The following GSAP variants were observed in gnomAD, a reference collection of about 807,000 sequenced individuals.
The protein encoded by GSAP is gamma-secretase activating protein.
In GSAP, 118 loss-of-function variants were observed where a neutral mutation model predicts 131.7. That is an observed-to-expected ratio of 0.90 (90% confidence interval 0.77 to 1.04). The LOEUF is 1.04. Among genes scored for constraint, GSAP ranks in the 50% least tolerant of loss-of-function variants. The pLI is 0.00. For synonymous variants in GSAP, 381 were observed against 363.4 expected (o/e 1.05, Z -0.55); for missense variants, 1,019 against 1,013.2 (o/e 1.01, Z -0.08).
intron 19 of GSAP, among the ~76,000 whole-genome samples, chr7:77,336,847 G>A (rs186851289): frequency 2.0e-4 from 31 of 152,026 alleles, no homozygotes; most frequent in Admixed American, 2.0e-3. Context: ...TTTCTTTGTT[G>A]CATCATAAAA....
At chr7:77,324,826 C>CTTTTTTT (rs150930764) in intron 23 of GSAP, among the ~76,000 whole-genome samples, 4 of 97,310 alleles carry the variant, frequency 4.1e-5, no homozygotes, top group Admixed American at 1.2e-4. Flanking sequence ...GTTTGCCATA[C>CTTTTTTT]TTTTTTTTTT....
At chr7:77,335,619 C>T (rs988489843) in intron 19 of GSAP, among the ~76,000 whole-genome samples, 23 of 151,034 alleles carry the variant, frequency 1.5e-4, no homozygotes, top group African/African-American at 5.3e-4. Context: ...TTTGGATTGC[C>T]AATTGATCCA....
At chr7:77,400,921 A>T (rs28881812) in intron 3 of GSAP, among the ~76,000 whole-genome samples, 18,615 of 151,222 alleles carry the variant, frequency 0.12, 1,658 homozygotes, top group East Asian at 0.41. Context: ...TCACAACTGA[A>T]AAATACAATT....
At position 77,328,282 on chromosome 7, in the gene GSAP, C is replaced by CA. The variant is rs1788596872; in HGVS notation, c.1765+323dup. ...CAGACAGCTAGAAAGCAAGCAGCAC[C>CA]AAGCCAAGGGAAATGCCAAAATGCA... On this transcript the variant is annotated intron_variant, in intron 22 of 30. Coordinates refer to ENST00000257626, the MANE Select transcript of GSAP (RefSeq NM_017439.4). 7.3e-6 allele frequency: 8 copies of CA among 1,095,864 alleles called. No homozygotes were observed. In the South Asian group the frequency reaches 3.0e-4, roughly 40 times the overall value. 67.9% of individuals were successfully genotyped at this position (1,095,864 alleles called of 1,614,324 possible).
chr7:77,353,072 A>T (rs1384789287), intron 17 of GSAP, 46 bp from the exon 18 acceptor site: 2 of 1,059,558 alleles, frequency 1.9e-6, no homozygotes, highest in Non-Finnish European at 3.0e-6. Flanking sequence ...ATGTGGTTTA[A>T]TAAGATGATG....
At chr7:77,395,356 G>C (rs774572181) in intron 5 of GSAP, among the ~76,000 whole-genome samples, 1 of 152,052 alleles carries the variant, frequency 6.6e-6, no homozygotes, top group Non-Finnish European at 1.5e-5. Flanking sequence ...TGGAGAAATG[G>C]GTCTATTAGC....
At chr7:77,352,802 CA>C (rs956058705) in intron 18 of GSAP, 141 bp downstream of exon 18, 130 of 520,380 alleles carry the variant, frequency 2.5e-4, no homozygotes, top group South Asian at 4.5e-4. Context: ...ACTTTTCTGC[CA>C]AAAAAAATTC....
At chr7:77,337,758 A>G (rs114227022) in intron 19 of GSAP, among the ~76,000 whole-genome samples, 1,911 of 152,310 alleles carry the variant, frequency 0.013, 36 homozygotes, top group African/African-American at 0.044. Flanking sequence ...CATTTGTAGC[A>G]TGCTCATCTT....
intron 8 of GSAP, among the ~76,000 whole-genome samples, chr7:77,378,686 T>C (rs1797343546): frequency 6.6e-6 from 1 of 152,164 alleles, no homozygotes; most frequent in South Asian, 2.1e-4. Flanking sequence ...CCTGAGCAGT[T>C]AGATTAGGCT....
chr7:77,372,352 C>T (rs1014093786), intron 12 of GSAP, among the ~76,000 whole-genome samples: 1 of 152,084 alleles, frequency 6.6e-6, no homozygotes, highest in Non-Finnish European at 1.5e-5. Context: ...TTGATGGAAT[C>T]CTGACTTTAA....
At position 77,392,616 on chromosome 7, in the gene GSAP, T is replaced by A. The variant is rs994650269; in HGVS notation, c.367+4366A>T. 5.3e-5 allele frequency among the ~76,000 whole-genome samples: 8 copies of A among 152,054 alleles called. No individual in the cohort carries two copies. The East Asian group carries it at 1.5e-3, about 29-fold the overall frequency. On this transcript the variant is annotated intron_variant, in intron 5 of 30. Transcript: ENST00000257626. Reference sequence around the variant, plus strand: ...AAGGGGAAGACAAGACCAGGCAATATCTGGATACCACAAGGAGAGACAGCA... The same window carrying A: ...AAGGGGAAGACAAGACCAGGCAATAACTGGATACCACAAGGAGAGACAGCA...
In GSAP at chr7:77,376,859, A is replaced by C; in HGVS notation, c.730T>G (p.Tyr244Asp). ...KCIQFYADES[Y>D]NLMFEVPLDI... The stretch of plus-strand genomic sequence containing the variant: ...TTTTCTGGACTTACCATTAAGTTAT[A>C]GCTCTCATCAGCATAAAACTGGATA... Residue 244 changes from tyrosine (Y) to aspartate (D), a missense_variant, in exon 10 of 31, where the codon TAT becomes GAT. Coordinates refer to ENST00000257626, the MANE Select transcript of GSAP (RefSeq NM_017439.4). 6.8e-7 allele frequency: 1 copy of C among 1,460,486 alleles called. No individual in the cohort carries two copies. Among genetic ancestry groups the C allele is most frequent in the Non-Finnish European group, 9.4e-7 (1 of 1,059,012 alleles). The allele number at this position is 1,460,486 out of a possible 1,614,324, so 90.5% of individuals were successfully genotyped here.
chr7:77,361,426 C>T (rs1189820210), intron 13 of GSAP, among the ~76,000 whole-genome samples: 1 of 152,140 alleles, frequency 6.6e-6, no homozygotes, highest in Non-Finnish European at 1.5e-5. Flanking sequence ...ATAGATTAAC[C>T]ATTAGAAAAA....
chr7:77,333,213 A>G (rs1286742059), intron 19 of GSAP, among the ~76,000 whole-genome samples: 2 of 152,194 alleles, frequency 1.3e-5, no homozygotes, highest in Non-Finnish European at 2.9e-5. Flanking sequence ...GTCTATTTGG[A>G]AACTTGGAAA....
chr7:77,402,775 C>T (rs1305930674), intron 3 of GSAP, among the ~76,000 whole-genome samples: 3 of 150,344 alleles, frequency 2.0e-5, no homozygotes, highest in African/African-American at 7.3e-5. Flanking sequence ...GACTACGGTT[C>T]AGAAGAAAAA....
intron 12 of GSAP, among the ~76,000 whole-genome samples, chr7:77,366,438 T>C (rs1343788101): frequency 6.6e-6 from 1 of 152,182 alleles, no homozygotes; most frequent in Non-Finnish European, 1.5e-5. Context: ...GGTTCCAGTT[T>C]CAATTTCTAT....
At chr7:77,387,100 C>A (rs1043332715) in intron 6 of GSAP, among the ~76,000 whole-genome samples, 2 of 152,102 alleles carry the variant, frequency 1.3e-5, no homozygotes, top group East Asian at 3.9e-4. Context: ...TAAAGCTTAC[C>A]TTAAATGTGT....
chr7:77,355,109 T>C (rs2037751), intron 16 of GSAP, 104 bp downstream of exon 16: 195,094 of 730,928 alleles, frequency 0.27, 29,137 homozygotes, highest in African/African-American at 0.52. Context: ...ACACCTCAAT[T>C]AATTGTTACT....
chr7:77,311,207 A>G lies in GSAP; in HGVS notation c.*151T>C. 1.6e-6 allele frequency: 1 copy of G among 612,394 alleles called. No individual in the cohort carries two copies. 37.9% of individuals were successfully genotyped at this position (612,394 alleles called of 1,614,324 possible). On this transcript the variant is annotated 3_prime_UTR_variant, in exon 31 of 31. Coordinates refer to ENST00000257626, the MANE Select transcript of GSAP (RefSeq NM_017439.4). ...GAATGTGATACAGCAGTTCTGTCTG[A>G]ACGTGTACCAACCTGAAACTCACAT...
Sources: allele counts gnomAD v4.1 joint callset (sites outside exome capture counted in the v4.1 genomes callset), GRCh38; gene constraint gnomAD v4.1.1; transcripts MANE v1.5; gene names NCBI Gene and HGNC (gene_info 2026-07-23, HGNC 2026-07-21).